Variants in FTO observed in about 807,000 individuals in gnomAD.
FTO encodes the protein FTO alpha-ketoglutarate dependent dioxygenase, also known as alpha-ketoglutarate-dependent dioxygenase FTO.
FTO carries 47 observed loss-of-function variants against 63.9 expected under a neutral mutation model. The ratio of observed to expected loss-of-function variants is 0.74; its 90% confidence interval spans 0.58 to 0.94. The LOEUF is 0.94. FTO is among the 40% of genes least tolerant of loss of function. The pLI is 0.00. For missense variants in FTO, 562 were observed against 618.1 expected, an observed-to-expected ratio of 0.91 and a Z score of 0.96; for synonymous variants, 207 against 224.4, an observed-to-expected ratio of 0.92 and a Z score of 0.69.
chr16:53,891,958 C>A (rs891464986), intron 7 of FTO, among the ~76,000 whole-genome samples: 2 of 152,136 alleles, frequency 1.3e-5, no homozygotes, highest in Non-Finnish European at 2.9e-5. Context: ...CTCTCCTCAG[C>A]GTGTCTTGGG....
chr16:53,867,406 C>T (rs918203363), intron 4 of FTO, among the ~76,000 whole-genome samples: 11 of 151,506 alleles, frequency 7.3e-5, no homozygotes, highest in African/African-American at 1.9e-4. Context: ...AAATAAAAAC[C>T]ATTATTTTTC....
intron 8 of FTO, among the ~76,000 whole-genome samples, chr16:53,947,598 G>A (rs1302694715): frequency 6.6e-6 from 1 of 152,072 alleles, no homozygotes; most frequent in African/African-American, 2.4e-5. Flanking sequence ...CATATAATCT[G>A]ATAAAGCGAG....
At chr16:53,947,696 T>C (rs1327374305) in intron 8 of FTO, among the ~76,000 whole-genome samples, 1 of 152,242 alleles carries the variant, frequency 6.6e-6, no homozygotes, top group African/African-American at 2.4e-5. Flanking sequence ...ACTCCTTTTC[T>C]ATTTCCTCAC....
chr16:53,962,010 G>A (rs553601628), intron 8 of FTO, among the ~76,000 whole-genome samples: 3 of 152,224 alleles, frequency 2.0e-5, no homozygotes, highest in South Asian at 2.1e-4. Context: ...CAAAGCATCC[G>A]AATCACTAGT....
intron 7 of FTO, among the ~76,000 whole-genome samples, chr16:53,893,987 C>T (rs1004552289): frequency 2.6e-5 from 4 of 152,168 alleles, no homozygotes; most frequent in African/African-American, 7.2e-5. Flanking sequence ...GTGTAAAACA[C>T]AACATATAAT....
At chr16:54,074,461 T>A (rs931673316) in intron 8 of FTO, among the ~76,000 whole-genome samples, 7 of 152,162 alleles carry the variant, frequency 4.6e-5, no homozygotes, top group Non-Finnish European at 8.8e-5. Context: ...ATATACTTTT[T>A]AAAGCAATAT....
intron 8 of FTO, among the ~76,000 whole-genome samples, chr16:54,041,284 A>T (rs1349188578): frequency 6.6e-6 from 1 of 152,086 alleles, no homozygotes; most frequent in African/African-American, 2.4e-5. Context: ...ACAGGGGGAA[A>T]CCACCACTTT....
intron 1 of FTO, among the ~76,000 whole-genome samples, chr16:53,758,514 A>C (rs1417308510): frequency 6.6e-6 from 1 of 152,168 alleles, no homozygotes; most frequent in Non-Finnish European, 1.5e-5. Context: ...ACATTTGGAG[A>C]TATCTTAAAA....
chr16:54,027,109 G>A (rs906176142), intron 8 of FTO, among the ~76,000 whole-genome samples: 4 of 152,116 alleles, frequency 2.6e-5, no homozygotes, highest in Non-Finnish European at 5.9e-5. Context: ...AGAAGTCACC[G>A]AAAGGTTAAT....
At chr16:54,006,158 A>C (rs1321039414) in intron 8 of FTO, among the ~76,000 whole-genome samples, 1 of 152,192 alleles carries the variant, frequency 6.6e-6, no homozygotes, top group African/African-American at 2.4e-5. Context: ...CAATTAACAG[A>C]GAAGTAATTT....
At chr16:53,943,234 TC>T (rs1372453967) in intron 8 of FTO, among the ~76,000 whole-genome samples, 4 of 152,304 alleles carry the variant, frequency 2.6e-5, no homozygotes, top group Admixed American at 6.5e-5. Context: ...GTTACTTTTT[TC>T]CCCCAAGATA....
At chr16:53,933,166 A>G (rs912785502) in intron 7 of FTO, among the ~76,000 whole-genome samples, 1 of 152,230 alleles carries the variant, frequency 6.6e-6, no homozygotes, top group Non-Finnish European at 1.5e-5. Context: ...TTCAAGTTAC[A>G]GGAGAACCAG....
In FTO at chr16:54,011,050, G is replaced by T. The variant is rs577105952; in HGVS notation, c.1364+76941G>T. ...GGTTACATTAGAATATTTCCAGAGG[G>T]AACCTCACTTTAATCTCATCCACCT... On this transcript the variant is annotated intron_variant, in intron 8 of 8. Coordinates refer to ENST00000471389, the MANE Select transcript of FTO (RefSeq NM_001080432.3). Among the ~76,000 whole-genome samples, 3 of 152,270 alleles carry T rather than the reference G, an allele frequency of 2.0e-5. No individual in the cohort carries two copies. In the South Asian group the frequency reaches 6.2e-4, roughly 32 times the overall value.
intron 1 of FTO, among the ~76,000 whole-genome samples, chr16:53,764,845 G>A (rs747345277): frequency 1.3e-5 from 2 of 151,882 alleles, no homozygotes; most frequent in Non-Finnish European, 2.9e-5. Flanking sequence ...TCAGCCTCCC[G>A]AATAGCTGGG....
At chr16:53,802,199 T>C (rs1432981871) in intron 1 of FTO, among the ~76,000 whole-genome samples, 5 of 152,242 alleles carry the variant, frequency 3.3e-5, no homozygotes, top group African/African-American at 1.2e-4. Context: ...AAATGGCATG[T>C]CGCATTTGCA....
intron 8 of FTO, among the ~76,000 whole-genome samples, chr16:53,977,303 T>C (rs1329766862): frequency 6.6e-6 from 1 of 152,206 alleles, no homozygotes; most frequent in East Asian, 1.9e-4. Flanking sequence ...GGATCTTATA[T>C]TGTTGAATCA....
In FTO at chr16:54,114,952, A is replaced by G. The variant is rs1343246603; in HGVS notation, c.*3037A>G. On this transcript the variant is annotated 3_prime_UTR_variant, in exon 9 of 9. Coordinates refer to ENST00000471389, the MANE Select transcript of FTO (RefSeq NM_001080432.3). The stretch of plus-strand genomic sequence containing the variant: ...TGTTTGAGGATTTCATGTGCTCTCC[A>G]GGGAGGTTTCAGGTGGGTAGAAGGA... 2.6e-5 allele frequency: 4 copies of G among 152,338 alleles called. No individual in the cohort carries two copies. Among genetic ancestry groups the G allele is most frequent in the Non-Finnish European group, 5.9e-5 (4 of 68,158 alleles). 9.4% of individuals were successfully genotyped at this position (152,338 alleles called of 1,614,324 possible). A position where few individuals can be genotyped will look rare whatever the true frequency, so the allele number is the denominator to read the frequency against.
intron 1 of FTO, among the ~76,000 whole-genome samples, chr16:53,775,610 C>G (rs1034399637): frequency 1.3e-5 from 2 of 152,164 alleles, no homozygotes; most frequent in Non-Finnish European, 2.9e-5. Context: ...GACTCCTTAG[C>G]TTGACTTTCA....
At position 53,748,506 on chromosome 16, in the gene FTO, G is replaced by A. The variant is rs949324470; in HGVS notation, c.45+44277G>A. ...GTCTTTCTCTGTCACCCAGGCAGGA[G>A]TGCAGTGATGTGATCTTGGCTCACT... On this transcript the variant is annotated intron_variant, in intron 1 of 8. Coordinates refer to ENST00000471389, the MANE Select transcript of FTO (RefSeq NM_001080432.3). Among the ~76,000 whole-genome samples, 6 of 152,084 alleles carry A rather than the reference G, an allele frequency of 3.9e-5. No homozygotes were observed. The East Asian group carries it at 1.2e-3, about 29-fold the overall frequency.
Sources: allele counts gnomAD v4.1 joint callset (sites outside exome capture counted in the v4.1 genomes callset), GRCh38; gene constraint gnomAD v4.1.1; transcripts MANE v1.5; gene names NCBI Gene and HGNC (gene_info 2026-07-23, HGNC 2026-07-21).